ERC2: variants seen among roughly 807,000 people sequenced by gnomAD.
ERC2 encodes the protein ERC protein 2.
Under a neutral mutation model 114.8 loss-of-function variants are expected in ERC2, and 42 were observed. The observed-to-expected ratio is 0.37, with a 90% CI of 0.29 to 0.47. ERC2 has a LOEUF of 0.47. ERC2 is among the 20% of genes least tolerant of loss of function. The pLI is 0.99. For missense variants in ERC2, 939 were observed against 1,150.7 expected (o/e 0.82, Z 2.66); for synonymous variants, 454 against 425.5 (o/e 1.07, Z -0.82).
intron 17 of ERC2, among the ~76,000 whole-genome samples, chr3:55,649,722 C>T (rs1429579725): frequency 2.6e-5 from 4 of 152,146 alleles, no homozygotes; most frequent in Non-Finnish European, 1.5e-5. Context: ...AGCTCTTTGC[C>T]CTCCTCCTCA....
chr3:55,780,961 G>A (rs141565568), intron 14 of ERC2, among the ~76,000 whole-genome samples: 2 of 152,282 alleles, frequency 1.3e-5, no homozygotes, highest in East Asian at 3.9e-4. Flanking sequence ...TTATTAAAAC[G>A]TCCTAAATGA....
chr3:55,889,427 T>G (rs998541794), intron 13 of ERC2, among the ~76,000 whole-genome samples: 3 of 152,152 alleles, frequency 2.0e-5, no homozygotes, highest in Non-Finnish European at 4.4e-5. Context: ...AAATGACATG[T>G]AACTTTTATA....
chr3:55,848,760 C>G (rs980658384), intron 14 of ERC2, among the ~76,000 whole-genome samples: 1 of 152,210 alleles, frequency 6.6e-6, no homozygotes, highest in Admixed American at 6.5e-5. Context: ...TTCCAAGATT[C>G]AGATCAAACT....
chr3:55,832,337 G>T (rs2060641139), intron 14 of ERC2, among the ~76,000 whole-genome samples: 1 of 152,242 alleles, frequency 6.6e-6, no homozygotes, highest in African/African-American at 2.4e-5. Context: ...CCCCTGAGCA[G>T]CCTAACTGGA....
intron 14 of ERC2, among the ~76,000 whole-genome samples, chr3:55,828,848 A>G (rs2149176871): frequency 6.6e-6 from 1 of 152,312 alleles, no homozygotes; most frequent in East Asian, 1.9e-4. Flanking sequence ...ACAATGTTCA[A>G]AATATTCAGG....
At chr3:56,290,287 A>G (rs1312847833) in intron 3 of ERC2, among the ~76,000 whole-genome samples, 1 of 152,196 alleles carries the variant, frequency 6.6e-6, no homozygotes, top group African/African-American at 2.4e-5. Context: ...TTCTCTAGAT[A>G]TTTTTAACAA....
chr3:55,859,799 A>G (rs1195302688), intron 14 of ERC2, among the ~76,000 whole-genome samples: 1 of 150,502 alleles, frequency 6.6e-6, no homozygotes, highest in Non-Finnish European at 1.5e-5. Flanking sequence ...CTAGTCAGCT[A>G]TAAACACTCC....
chr3:56,247,294 T>G (rs1465573954), intron 3 of ERC2, among the ~76,000 whole-genome samples: 2 of 151,690 alleles, frequency 1.3e-5, no homozygotes, highest in Non-Finnish European at 2.9e-5. Flanking sequence ...AGAAACAACT[T>G]TTTAAAAGCA....
At chr3:56,204,895 AG>A (rs1469585282) in intron 3 of ERC2, among the ~76,000 whole-genome samples, 1 of 105,926 alleles carries the variant, frequency 9.4e-6, no homozygotes, top group Non-Finnish European at 2.1e-5. Flanking sequence ...TCAGAAAAAA[AG>A]TTTTTTTTTT....
At position 55,691,203 on chromosome 3, in the gene ERC2, G is replaced by C. The variant is rs115375363; in HGVS notation, c.2848-7344C>G. ...TTGGGGATTTTTAGTAGTCTCTGAG[G>C]GATAAAGAAAAAAGAGACATCTGCG... On this transcript the variant is annotated intron_variant, in intron 16 of 17. Coordinates refer to ENST00000288221, the MANE Select transcript of ERC2 (RefSeq NM_015576.3). Among the ~76,000 whole-genome samples, 348 of 151,940 alleles carry C rather than the reference G, an allele frequency of 2.3e-3. 2 individuals are homozygous for C. Among genetic ancestry groups the C allele is most frequent in the African/African-American group, 8.0e-3 (331 of 41,440 alleles).
chr3:56,402,132 C>T (rs561814718), intron 2 of ERC2, among the ~76,000 whole-genome samples: 7 of 152,278 alleles, frequency 4.6e-5, no homozygotes, highest in East Asian at 1.9e-4. Context: ...GCCCTTGATA[C>T]GTAGGGATTA....
chr3:55,522,124 A>G (rs1358554905), intron 17 of ERC2, among the ~76,000 whole-genome samples: 1 of 152,164 alleles, frequency 6.6e-6, no homozygotes, highest in Non-Finnish European at 1.5e-5. Flanking sequence ...AACTTGCTAC[A>G]CACTTCTATG....
intron 17 of ERC2, among the ~76,000 whole-genome samples, chr3:55,592,436 T>C (rs2107609985): frequency 6.6e-6 from 1 of 152,264 alleles, no homozygotes; most frequent in Non-Finnish European, 1.5e-5. Flanking sequence ...TTTCATTCTT[T>C]TGGGATTTGG....
chr3:55,652,363 C>T (rs550732295), intron 17 of ERC2, among the ~76,000 whole-genome samples: 2 of 151,740 alleles, frequency 1.3e-5, no homozygotes, highest in Non-Finnish European at 2.9e-5. Flanking sequence ...TTTTTTTTCC[C>T]CCAACTACTT....
intron 7 of ERC2, among the ~76,000 whole-genome samples, chr3:56,043,061 G>A (rs766815342): frequency 1.8e-4 from 27 of 152,118 alleles, no homozygotes; most frequent in Admixed American, 4.6e-4. Context: ...GTGGCTAAAC[G>A]TATTGAGAGG....
At chr3:55,599,865 C>A (rs1321113181) in intron 17 of ERC2, among the ~76,000 whole-genome samples, 1 of 152,156 alleles carries the variant, frequency 6.6e-6, no homozygotes, top group African/African-American at 2.4e-5. Context: ...GATCCAAGTT[C>A]TACTTTCATT....
rs149227522 is a variant in ERC2 at position 55,965,276 on chromosome 3, G to A, written c.2268-14716C>T. On this transcript the variant is annotated intron_variant, in intron 12 of 17. Transcript: ENST00000288221. ...AATTATGGAAATCTTCTACTTCTAC[G>A]CTATCCAGTAGACTAGCCATGAGCC... Among the ~76,000 whole-genome samples the A allele has an allele frequency of 4.7e-3, 712 of 152,212 alleles. 10 individuals carry two copies. Among genetic ancestry groups the A allele is most frequent in the African/African-American group, 0.016 (661 of 41,522 alleles).
At chr3:55,681,151 C>T (rs1366005733) in intron 17 of ERC2, among the ~76,000 whole-genome samples, 1 of 152,196 alleles carries the variant, frequency 6.6e-6, no homozygotes, top group Admixed American at 6.5e-5. Context: ...GAAAATACCA[C>T]TCTTGAATGA....
At chr3:55,641,590 A>C (rs2060189683) in intron 17 of ERC2, among the ~76,000 whole-genome samples, 1 of 140,620 alleles carries the variant, frequency 7.1e-6, no homozygotes, top group Non-Finnish European at 1.5e-5. Context: ...GCCAATATAC[A>C]CTCCTTCCCT....
Sources: allele counts gnomAD v4.1 joint callset (sites outside exome capture counted in the v4.1 genomes callset), GRCh38; gene constraint gnomAD v4.1.1; transcripts MANE v1.5; gene names NCBI Gene and HGNC (gene_info 2026-07-23, HGNC 2026-07-21).